Variants in SLC30A9 observed in about 807,000 individuals in gnomAD.
SLC30A9 encodes proton-coupled zinc antiporter SLC30A9, mitochondrial.
In SLC30A9, 58 loss-of-function variants were observed where a neutral mutation model predicts 87.5. The ratio of observed to expected loss-of-function variants is 0.66; its 90% CI spans 0.54 to 0.82. The LOEUF (loss-of-function observed/expected upper bound fraction) is 0.82, where lower values mean the gene tolerates loss of function less well. Ranked by LOEUF, SLC30A9 falls within the 40% of genes least tolerant of loss-of-function variation. SLC30A9 has a pLI of 0.00. For missense variants in SLC30A9, 557 were observed against 679.1 expected (o/e 0.82, Z 2.00); for synonymous variants, 234 against 233.0 (o/e 1.00, Z -0.04).
intron 2 of SLC30A9, among the ~76,000 whole-genome samples, chr4:42,008,258 A>G (rs1715298724): frequency 6.6e-6 from 1 of 152,180 alleles, no homozygotes; most frequent in African/African-American, 2.4e-5. Flanking sequence ...TCAGCTCTGC[A>G]TAGAGACATT....
intron 17 of SLC30A9, among the ~76,000 whole-genome samples, chr4:42,082,993 C>T (rs1027656059): frequency 2.6e-5 from 4 of 151,914 alleles, no homozygotes; most frequent in Admixed American, 1.3e-4. Flanking sequence ...TTTTGAAGTT[C>T]TTTGACCTGT....
chr4:42,043,946 A>G (rs1000107681), intron 8 of SLC30A9, among the ~76,000 whole-genome samples: 2 of 152,246 alleles, frequency 1.3e-5, no homozygotes, highest in Non-Finnish European at 2.9e-5. Flanking sequence ...TTTTTAACCC[A>G]GAATTTCATA....
intron 11 of SLC30A9, among the ~76,000 whole-genome samples, chr4:42,064,882 A>G (rs941959377): frequency 1.3e-5 from 2 of 152,062 alleles, no homozygotes; most frequent in Non-Finnish European, 2.9e-5. Context: ...AATAAAAAAA[A>G]TGTGTTGCTA....
At chr4:42,023,095 A>G (rs370842025) in intron 5 of SLC30A9, among the ~76,000 whole-genome samples, 165 bp downstream of exon 5, 1 of 152,234 alleles carries the variant, frequency 6.6e-6, no homozygotes, top group Non-Finnish European at 1.5e-5. Flanking sequence ...CCTTAACTAA[A>G]TATATGTCAT....
chr4:42,071,519 T>C (rs4241699), intron 15 of SLC30A9, among the ~76,000 whole-genome samples: 151,258 of 152,226 alleles, frequency 0.99, 75,160 homozygotes, highest in Middle Eastern at 1. Context: ...AAATGAGAGA[T>C]GGGCACAGTG....
At chr4:42,062,896 G>T in intron 10 of SLC30A9, 90 bp from the exon 11 acceptor site, 2 of 1,037,310 alleles carry the variant, frequency 1.9e-6, no homozygotes, top group Non-Finnish European at 1.4e-6. Flanking sequence ...TCTTGATATT[G>T]TTAGTCTTTT....
At chr4:42,060,408 A>C (rs770632089) in intron 10 of SLC30A9, among the ~76,000 whole-genome samples, 162 bp downstream of exon 10, 4 of 152,162 alleles carry the variant, frequency 2.6e-5, no homozygotes, top group African/African-American at 4.8e-5. Flanking sequence ...CACTGTGTCA[A>C]AGTAAATTCA....
chr4:42,016,333 C>T (rs980506632), intron 2 of SLC30A9, among the ~76,000 whole-genome samples: 1 of 152,010 alleles, frequency 6.6e-6, no homozygotes, highest in Non-Finnish European at 1.5e-5. Flanking sequence ...TATTATAATA[C>T]ATATGTAAGT....
chr4:42,001,467 A>G lies in SLC30A9; in HGVS notation c.110-149A>G, dbSNP rs566039474. ...CAAATAAGTTTACAAGTTAGAGAAA[A>G]TTAGAATGTTGTCACTAATTTTTCT... On this transcript the variant is annotated intron_variant, in intron 1 of 17. Transcript: ENST00000264451. The G allele has an allele frequency of 9.6e-5, 46 of 481,110 alleles. 1 individual carries two copies. The South Asian group carries it at 2.1e-3, about 22-fold the overall frequency. 29.8% of individuals were successfully genotyped at this position (481,110 alleles called of 1,614,324 possible). A position where few individuals can be genotyped will look rare whatever the true frequency, so the allele number is the denominator to read the frequency against.
intron 6 of SLC30A9, among the ~76,000 whole-genome samples, chr4:42,027,634 T>C (rs1173025951): frequency 2.6e-5 from 4 of 152,156 alleles, no homozygotes; most frequent in Non-Finnish European, 5.9e-5. Context: ...AGGAATACAA[T>C]ATATGTTGAC....
chr4:42,071,246 G>C (rs1718297401), intron 15 of SLC30A9, among the ~76,000 whole-genome samples: 1 of 152,068 alleles, frequency 6.6e-6, no homozygotes, highest in Non-Finnish European at 1.5e-5. Context: ...GCTTTTCAGT[G>C]AAATTCTAGC....
chr4:42,017,432 A>G (rs1365399919), intron 2 of SLC30A9, among the ~76,000 whole-genome samples: 1 of 150,264 alleles, frequency 6.7e-6, no homozygotes, highest in Non-Finnish European at 1.5e-5. Flanking sequence ...TTAATTTGGC[A>G]GAAATTTATC....
chr4:42,052,593 A>G (rs910744449), intron 9 of SLC30A9, among the ~76,000 whole-genome samples: 3 of 152,260 alleles, frequency 2.0e-5, no homozygotes, highest in African/African-American at 7.2e-5. Context: ...CCACATTTAC[A>G]TGGCCCGTGC....
At chr4:42,071,403 C>T (rs954225245) in intron 15 of SLC30A9, among the ~76,000 whole-genome samples, 5 of 151,834 alleles carry the variant, frequency 3.3e-5, no homozygotes, top group Admixed American at 6.6e-5. Flanking sequence ...TTTAAAATGA[C>T]CCGTATATCT....
intron 2 of SLC30A9, among the ~76,000 whole-genome samples, chr4:42,014,804 C>T (rs1340430367): frequency 6.6e-6 from 1 of 151,998 alleles, no homozygotes; most frequent in Non-Finnish European, 1.5e-5. Flanking sequence ...AAGGCAGGCA[C>T]AGAAAGAAAA....
chr4:42,054,329 G>A (rs1454233389), intron 9 of SLC30A9, among the ~76,000 whole-genome samples: 2 of 152,138 alleles, frequency 1.3e-5, no homozygotes, highest in East Asian at 3.9e-4. Flanking sequence ...CTGTACTCCA[G>A]CCTGGGCGAC....
intron 9 of SLC30A9, among the ~76,000 whole-genome samples, chr4:42,053,007 C>T (rs541516558): frequency 2.1e-5 from 3 of 145,982 alleles, no homozygotes; most frequent in East Asian, 2.1e-4. Flanking sequence ...AGAAATTCCA[C>T]GATTCAGTAA....
At chr4:42,015,275 A>G in intron 2 of SLC30A9, among the ~76,000 whole-genome samples, 1 of 152,190 alleles carries the variant, frequency 6.6e-6, no homozygotes, top group Non-Finnish European at 1.5e-5. Context: ...ATGTTAAACA[A>G]TAGAAATACA....
At chr4:41,992,420 A>G (rs976504711) in intron 1 of SLC30A9, among the ~76,000 whole-genome samples, 1 of 152,202 alleles carries the variant, frequency 6.6e-6, no homozygotes, top group African/African-American at 2.4e-5. Context: ...AGTTTCTAAC[A>G]CAATTGTTTC....
Sources: gnomAD v4.1 joint callset for allele counts (sites outside exome capture counted in the v4.1 genomes callset) on GRCh38, gnomAD v4.1.1 for gene constraint, MANE v1.5 for transcripts, NCBI Gene and HGNC (gene_info 2026-07-23, HGNC 2026-07-21) for gene names.